The following MEIKIN variants were observed in gnomAD, a reference collection of about 807,000 sequenced individuals.
MEIKIN encodes the protein meiosis-specific kinetochore protein.
intron 8 of MEIKIN, among the ~76,000 whole-genome samples, chr5:131,879,333 C>T (rs1458137712): frequency 6.6e-6 from 1 of 152,204 alleles, no homozygotes; most frequent in Admixed American, 6.5e-5. Flanking sequence ...TATACTTCTT[C>T]ATTCATTATC....
intron 11 of MEIKIN, among the ~76,000 whole-genome samples, chr5:131,844,717 T>C (rs1338982146): frequency 6.6e-6 from 1 of 152,176 alleles, no homozygotes; most frequent in Non-Finnish European, 1.5e-5. Flanking sequence ...TACACAATAT[T>C]GGGAACAGTA....
intron 5 of MEIKIN, among the ~76,000 whole-genome samples, chr5:131,924,448 A>G (rs1053905006): frequency 6.6e-5 from 10 of 152,128 alleles, no homozygotes; most frequent in Non-Finnish European, 1.0e-4. Flanking sequence ...ACAGTGTACA[A>G]GGGTTCTAAT....
At chr5:131,863,778 C>T (rs192969690) in intron 9 of MEIKIN, among the ~76,000 whole-genome samples, 2 of 152,050 alleles carry the variant, frequency 1.3e-5, no homozygotes, top group East Asian at 3.9e-4. Flanking sequence ...ATCATGGGGG[C>T]AGGTCTTCCC....
At chr5:131,825,933 G>A (rs1386734792) in intron 11 of MEIKIN, among the ~76,000 whole-genome samples, 3 of 152,162 alleles carry the variant, frequency 2.0e-5, no homozygotes, top group Non-Finnish European at 4.4e-5. Context: ...AAAGAGCAGA[G>A]AGAAAATGAC....
intron 9 of MEIKIN, among the ~76,000 whole-genome samples, chr5:131,869,745 G>T (rs571940240): frequency 6.6e-6 from 1 of 152,120 alleles, no homozygotes; most frequent in Non-Finnish European, 1.5e-5. Context: ...GACCACCTAC[G>T]ACTCTCAGAT....
chr5:131,899,766 T>C (rs1751124858), intron 8 of MEIKIN, among the ~76,000 whole-genome samples: 2 of 152,304 alleles, frequency 1.3e-5, no homozygotes, highest in South Asian at 2.1e-4. Context: ...AGCAAGAAGA[T>C]GTAATAATTT....
intron 7 of MEIKIN, among the ~76,000 whole-genome samples, chr5:131,914,587 G>A (rs1751384798): frequency 3.0e-5 from 2 of 65,590 alleles, no homozygotes; most frequent in African/African-American, 1.3e-4. Flanking sequence ...GAAGGGAAGG[G>A]AAGGGAAGGG....
Position 131,845,272 on chromosome 5 carries a change from TAAA to T in MEIKIN, c.975+5989_975+5991del, listed in dbSNP as rs1158220526. On this transcript the variant is annotated intron_variant, in intron 11 of 12. Coordinates refer to ENST00000442687, the MANE Select transcript of MEIKIN (RefSeq NM_001303622.2). ...GTGACAGAGCGAGAAGACTTCGTCTTAAAAAAAAAAAAAAAAAAAAAAAAAAAA... is the reference window on the plus strand; with the variant it reads ...GTGACAGAGCGAGAAGACTTCGTCTTAAAAAAAAAAAAAAAAAAAAAAAAA... 6.6e-3 allele frequency among the ~76,000 whole-genome samples: 299 copies of T among 45,326 alleles called. 3 individuals are homozygous for T. The highest frequency in any genetic ancestry group is 0.038 in the African/African-American group (271 of 7,136). The allele number at this position is 45,326 out of a possible 152,430, so 29.7% of individuals were successfully genotyped here.
At chr5:131,860,754 C>CTTTTTTT (rs35117395) in intron 9 of MEIKIN, among the ~76,000 whole-genome samples, 2 of 51,014 alleles carry the variant, frequency 3.9e-5, no homozygotes, top group Non-Finnish European at 6.4e-5. Context: ...GCCTGTTTGG[C>CTTTTTTT]TTTTTTTTTT....
intron 9 of MEIKIN, among the ~76,000 whole-genome samples, chr5:131,859,109 T>C (rs1174662355): frequency 6.6e-6 from 1 of 152,158 alleles, no homozygotes; most frequent in African/African-American, 2.4e-5. Flanking sequence ...CATTCTACCA[T>C]AAAGACACCT....
chr5:131,814,399 T>C lies in MEIKIN; in HGVS notation c.1099+4341A>G, dbSNP rs189581189. 3.0e-3 allele frequency among the ~76,000 whole-genome samples: 459 copies of C among 151,738 alleles called. 2 individuals are homozygous for C. Among genetic ancestry groups the C allele is most frequent in the African/African-American group, 0.01 (427 of 41,366 alleles). On this transcript the variant is annotated intron_variant, in intron 12 of 12. Coordinates refer to ENST00000442687, the MANE Select transcript of MEIKIN (RefSeq NM_001303622.2). ...CTCAGGTGATCCTCCCACCTCAGCC[T>C]CCCAAGTAGCTGGAACTACAGGAGT... is the stretch of plus-strand genomic sequence containing the variant.
chr5:131,928,841 T>C (rs1751635531), intron 5 of MEIKIN, among the ~76,000 whole-genome samples: 1 of 152,230 alleles, frequency 6.6e-6, no homozygotes, highest in Non-Finnish European at 1.5e-5. Context: ...CTGAAGAGCT[T>C]AATAGTAAAC....
intron 4 of MEIKIN, among the ~76,000 whole-genome samples, chr5:131,940,402 T>C (rs771547718): frequency 1.6e-4 from 25 of 152,230 alleles, no homozygotes; most frequent in Non-Finnish European, 2.9e-4. Flanking sequence ...TTTGAAATAA[T>C]ATTTTTAGTT....
intron 11 of MEIKIN, among the ~76,000 whole-genome samples, 186 bp from the exon 12 acceptor site, chr5:131,819,049 C>A (rs1252659442): frequency 6.6e-6 from 1 of 152,094 alleles, no homozygotes; most frequent in Non-Finnish European, 1.5e-5. Context: ...ATTTAATATT[C>A]ACAAGAACCA....
At chr5:131,853,399 A>T (rs1226679462) in intron 10 of MEIKIN, among the ~76,000 whole-genome samples, 1 of 152,196 alleles carries the variant, frequency 6.6e-6, no homozygotes, top group Non-Finnish European at 1.5e-5. Flanking sequence ...GATTGCTCAC[A>T]CTGAAGAGGA....
At chr5:131,889,020 T>G (rs1386204688) in intron 8 of MEIKIN, among the ~76,000 whole-genome samples, 1 of 152,238 alleles carries the variant, frequency 6.6e-6, no homozygotes, top group African/African-American at 2.4e-5. Context: ...CAGATAGTTG[T>G]AGATAAGTGG....
intron 8 of MEIKIN, among the ~76,000 whole-genome samples, chr5:131,896,578 A>C (rs1225377373): frequency 6.6e-6 from 1 of 152,158 alleles, no homozygotes; most frequent in Non-Finnish European, 1.5e-5. Flanking sequence ...TATTGGATGC[A>C]TATATATTTA....
chr5:131,826,526 C>T (rs187942700), intron 11 of MEIKIN, among the ~76,000 whole-genome samples: 10 of 152,228 alleles, frequency 6.6e-5, no homozygotes, highest in Admixed American at 3.3e-4. Flanking sequence ...AAATATACCT[C>T]GTAAAATTTC....
In MEIKIN at chr5:131,851,397, C is replaced by T; in HGVS notation, c.856-14G>A. ...GGACAAATCAATCTATAAAAGAATA[C>T]ATTATTGTTTTGTGGAAGTTAAACA... On this transcript the variant is annotated splice_polypyrimidine_tract_variant and intron_variant, in intron 10 of 12. Transcript: ENST00000442687. The T allele has an allele frequency of 2.5e-6, 1 of 397,390 alleles. No individual in the cohort carries two copies. Among genetic ancestry groups the T allele is most frequent in the Non-Finnish European group, 4.4e-6 (1 of 225,146 alleles). 24.6% of individuals were successfully genotyped at this position (397,390 alleles called of 1,614,324 possible).
Sources: allele counts gnomAD v4.1 joint callset (sites outside exome capture counted in the v4.1 genomes callset), GRCh38; gene constraint gnomAD v4.1.1; transcripts MANE v1.5; gene names NCBI Gene and HGNC (gene_info 2026-07-23, HGNC 2026-07-21).